PARD3B: variants seen among roughly 807,000 people sequenced by gnomAD.
The protein encoded by PARD3B is partitioning defective 3 homolog B.
A neutral mutation model predicts 130.2 loss-of-function variants in PARD3B; 103 were observed. The observed-to-expected ratio is 0.79, with a 90% CI of 0.67 to 0.93. The LOEUF (loss-of-function observed/expected upper bound fraction) is 0.93, where lower values mean the gene tolerates loss of function less well. Ranked by LOEUF, PARD3B falls within the 40% of genes least tolerant of loss-of-function variation. The pLI is 0.00. For missense variants in PARD3B, 1,609 were observed against 1,499.2 expected, an observed-to-expected ratio of 1.07 and a Z score of -1.21; for synonymous variants, 583 against 553.2, an observed-to-expected ratio of 1.05 and a Z score of -0.76.
intron 3 of PARD3B, among the ~76,000 whole-genome samples, chr2:204,976,433 G>A (rs72940496): frequency 0.082 from 12,440 of 151,978 alleles, 635 homozygotes; most frequent in Non-Finnish European, 0.11. Context: ...TTGGATAGTC[G>A]CAAGCAGTGA....
At chr2:205,033,713 C>T (rs1309785676) in intron 3 of PARD3B, among the ~76,000 whole-genome samples, 1 of 152,160 alleles carries the variant, frequency 6.6e-6, no homozygotes, top group African/African-American at 2.4e-5. Flanking sequence ...TCAGCTCATC[C>T]ACAGAATCTT....
At chr2:205,129,050 G>A (rs2031734388) in intron 10 of PARD3B, among the ~76,000 whole-genome samples, 1 of 152,156 alleles carries the variant, frequency 6.6e-6, no homozygotes, top group Non-Finnish European at 1.5e-5. Flanking sequence ...TGTTCTCATT[G>A]TTTCTAGTTC....
intron 16 of PARD3B, among the ~76,000 whole-genome samples, chr2:205,275,837 CAAA>C (rs59238795): frequency 0.022 from 1,345 of 60,588 alleles, 10 homozygotes; most frequent in African/African-American, 0.074. Flanking sequence ...AACTTTGTCT[CAAA>C]AAAAAAAAAA....
At chr2:204,582,419 T>C (rs1370194166) in intron 1 of PARD3B, among the ~76,000 whole-genome samples, 1 of 152,174 alleles carries the variant, frequency 6.6e-6, no homozygotes, top group Non-Finnish European at 1.5e-5. Context: ...AAAAGTTTAG[T>C]TCTTTGATTT....
At chr2:205,172,483 A>G (rs1168362328) in intron 12 of PARD3B, 102 bp downstream of exon 12, 21 of 1,248,482 alleles carry the variant, frequency 1.7e-5, no homozygotes, top group Non-Finnish European at 1.8e-5. Flanking sequence ...TCGAGAAAAT[A>G]TGCCCCAGAA....
chr2:205,066,687 A>G (rs1700398330), intron 4 of PARD3B, among the ~76,000 whole-genome samples: 1 of 152,186 alleles, frequency 6.6e-6, no homozygotes, highest in Admixed American at 6.6e-5. Context: ...TTTGGAAATC[A>G]GTGATCTTAA....
intron 3 of PARD3B, among the ~76,000 whole-genome samples, chr2:205,042,849 A>C (rs898956257): frequency 6.6e-6 from 1 of 151,536 alleles, no homozygotes; most frequent in African/African-American, 2.4e-5. Flanking sequence ...CCTGATGCAT[A>C]AGGGCAACCT....
Position 205,351,700 on chromosome 2 carries a change from T to A in PARD3B, c.2631-49313T>A, listed in dbSNP as rs980517909. On this transcript the variant is annotated intron_variant, in intron 18 of 22. Coordinates refer to ENST00000406610, the MANE Select transcript of PARD3B (RefSeq NM_001302769.2). This position sits in a 1 kb window ranked among gnomAD's most constrained non-coding sequence, Gnocchi z 4.2. Reference sequence around the variant, plus strand: ...CGGTGATGTTTTCTGATTCTCTATATGATTTTAACTCTAGAATTGCTAAAG... The same window carrying A: ...CGGTGATGTTTTCTGATTCTCTATAAGATTTTAACTCTAGAATTGCTAAAG... Among the ~76,000 whole-genome samples, 1 of 152,126 alleles carries A rather than the reference T, an allele frequency of 6.6e-6. No individual in the cohort carries two copies. Among genetic ancestry groups the A allele is most frequent in the African/African-American group, 2.4e-5 (1 of 41,434 alleles).
chr2:204,924,405 C>G (rs1246684753), intron 2 of PARD3B, among the ~76,000 whole-genome samples: 2 of 151,828 alleles, frequency 1.3e-5, no homozygotes, highest in Non-Finnish European at 1.5e-5. Flanking sequence ...AAATTTCAAA[C>G]TAGTATTAAA....
rs1026196902 is a variant in PARD3B at position 205,230,224 on chromosome 2, T to C, written c.2141-15554T>C. ...AGACCCTCTCCGTAGCCACCATAGTTGGGAATGTGCTGGGCCATACCATAA... is the reference window on the plus strand; with the variant it reads ...AGACCCTCTCCGTAGCCACCATAGTCGGGAATGTGCTGGGCCATACCATAA... On this transcript the variant is annotated intron_variant, in intron 15 of 22. Transcript: ENST00000406610. This position sits in a 1 kb window ranked among gnomAD's most constrained non-coding sequence, Gnocchi z 4.1. 6.6e-6 allele frequency among the ~76,000 whole-genome samples: 1 copy of C among 151,912 alleles called. No individual in the cohort carries two copies. The highest frequency in any genetic ancestry group is 2.4e-5 in the African/African-American group (1 of 41,356).
intron 2 of PARD3B, among the ~76,000 whole-genome samples, chr2:204,702,462 G>A (rs1344757176): frequency 6.6e-6 from 1 of 152,076 alleles, no homozygotes; most frequent in African/African-American, 2.4e-5. Flanking sequence ...TTTCATTGTG[G>A]TTTTAATTTG....
chr2:205,249,547 G>A (rs998321960), intron 16 of PARD3B, among the ~76,000 whole-genome samples: 1 of 152,100 alleles, frequency 6.6e-6, no homozygotes, highest in African/African-American at 2.4e-5. Context: ...AAAGGCCCAG[G>A]TAAAATAAAT....
chr2:204,614,470 C>G (rs904295179), intron 1 of PARD3B, among the ~76,000 whole-genome samples: 2 of 152,102 alleles, frequency 1.3e-5, no homozygotes, highest in Admixed American at 1.3e-4. Flanking sequence ...TGAGTTATAT[C>G]TACTAATATT....
rs769105840 is a variant in PARD3B at position 205,121,576 on chromosome 2, C to T, written c.807-15C>T. 30 of 1,605,492 alleles carry T rather than the reference C, an allele frequency of 1.9e-5. No homozygotes were observed. In the Admixed American group the frequency reaches 2.8e-4, roughly 15 times the overall value. ...CAAAGCAGGGTCATCATACATTTAT[C>T]AACTTTCTTTCCAGGGCTCAAGATG... is the stretch of plus-strand genomic sequence containing the variant. On this transcript the variant is annotated splice_polypyrimidine_tract_variant and intron_variant, in intron 7 of 22. Transcript: ENST00000406610. This position sits in a 1 kb window ranked among gnomAD's most constrained non-coding sequence, Gnocchi z 5.0.
rs1310260548 is a variant in PARD3B at position 205,276,953 on chromosome 2, C to T, written c.2186-23577C>T. Among the ~76,000 whole-genome samples, 1 of 152,154 alleles carries T rather than the reference C, an allele frequency of 6.6e-6. No individual in the cohort carries two copies. Among genetic ancestry groups the T allele is most frequent in the East Asian group, 1.9e-4 (1 of 5,188 alleles). On this transcript the variant is annotated intron_variant, in intron 16 of 22. Transcript: ENST00000406610. This position sits in a 1 kb window ranked among gnomAD's most constrained non-coding sequence, Gnocchi z 5.0. The stretch of plus-strand genomic sequence containing the variant: ...GGGTGAGAGAATTTGTGTGGAACAC[C>T]TAGCTCCATTTCTGGCACCTAGGAC...
chr2:204,835,798 A>G (rs967718153), intron 2 of PARD3B, among the ~76,000 whole-genome samples: 6 of 152,344 alleles, frequency 3.9e-5, no homozygotes, highest in Admixed American at 3.3e-4. Flanking sequence ...TCAAGACTTC[A>G]TTATAAAATA....
chr2:204,923,614 G>C lies in PARD3B; in HGVS notation c.223-41538G>C, dbSNP rs534127522. Among the ~76,000 whole-genome samples the C allele has an allele frequency of 1.7e-3, 258 of 152,052 alleles. 1 individual carries two copies. The highest frequency in any genetic ancestry group is 2.5e-3 in the South Asian group (12 of 4,824). On this transcript the variant is annotated intron_variant, in intron 2 of 22. Coordinates refer to ENST00000406610, the MANE Select transcript of PARD3B (RefSeq NM_001302769.2). ...ATTAGGAAGGCAATGTCTTAAAAAG[G>C]CTCTGGAGATTGGGTGGAAGAAAAA...
At chr2:205,478,386 A>G (rs2106280456) in intron 20 of PARD3B, among the ~76,000 whole-genome samples, 1 of 152,314 alleles carries the variant, frequency 6.6e-6, no homozygotes, top group African/African-American at 2.4e-5. Flanking sequence ...TTGAATTTTA[A>G]ATTAACCTAG....
intron 3 of PARD3B, among the ~76,000 whole-genome samples, chr2:205,037,453 T>C (rs1045115414): frequency 1.4e-5 from 2 of 147,170 alleles, no homozygotes; most frequent in African/African-American, 4.9e-5. Context: ...AAAATATATA[T>C]GGTGGACTAT....
Sources: gnomAD v4.1 joint callset for allele counts (sites outside exome capture counted in the v4.1 genomes callset) on GRCh38, gnomAD v4.1.1 for gene constraint, Gnocchi (gnomAD v3.1) non-coding constraint, MANE v1.5 for transcripts, NCBI Gene and HGNC (gene_info 2026-07-23, HGNC 2026-07-21) for gene names.